The following CD36 variants were observed in gnomAD, a reference collection of about 807,000 sequenced individuals.
The protein encoded by CD36 is platelet glycoprotein 4.
A neutral mutation model predicts 55.2 loss-of-function variants in CD36; 119 were observed. The ratio of observed to expected loss-of-function variants is 2.15; its 90% CI spans 1.86 to 2.51. The LOEUF is 2.51. CD36 is among the 30% of genes most tolerant of loss of function. The pLI, the probability that CD36 is intolerant of heterozygous loss-of-function variation, is 0.00. For missense variants in CD36, 819 were observed against 555.5 expected, an observed-to-expected ratio of 1.47 and a Z score of -4.77; for synonymous variants, 186 against 193.6, an observed-to-expected ratio of 0.96 and a Z score of 0.33.
chr7:80,656,092 AG>A (rs1295043603), intron 3 of CD36, among the ~76,000 whole-genome samples: 2 of 152,134 alleles, frequency 1.3e-5, no homozygotes, highest in East Asian at 3.9e-4. Context: ...GAAAAGAAAA[AG>A]CTTCCAATAC....
At chr7:80,616,707 A>C (rs1175619142) in intron 1 of CD36, among the ~76,000 whole-genome samples, 4 of 152,170 alleles carry the variant, frequency 2.6e-5, no homozygotes. Context: ...GAGTCAACAG[A>C]CTGAATTAAC....
intron 1 of CD36, among the ~76,000 whole-genome samples, chr7:80,622,692 G>T (rs993745050): frequency 4.6e-5 from 7 of 152,180 alleles, no homozygotes; most frequent in African/African-American, 1.7e-4. Context: ...GTAGGGGAAA[G>T]TTCCTTAAAC....
At chr7:80,654,302 G>A (rs748149981) in intron 3 of CD36, among the ~76,000 whole-genome samples, 13 of 152,116 alleles carry the variant, frequency 8.5e-5, no homozygotes, top group African/African-American at 2.2e-4. Flanking sequence ...ATATTAGGTC[G>A]GTACAAAAGT....
At position 80,671,677 on chromosome 7, in the gene CD36, G is replaced by GA. The variant is rs549629562; in HGVS notation, c.1007-239dup. Among the ~76,000 whole-genome samples the GA allele has an allele frequency of 5.4e-3, 813 of 151,172 alleles. 2 individuals carry two copies. Among genetic ancestry groups the GA allele is most frequent in the South Asian group, 0.014 (70 of 4,830 alleles). On this transcript the variant is annotated intron_variant, in intron 10 of 14. Transcript: ENST00000447544. ...ACTAACGTGGGTGTGGAAGAAGAAA[G>GA]AAAAAACTAGTGTTAAATAAATTCT...
Position 80,678,529 on chromosome 7 carries a change from A to G in CD36, c.*2146A>G, listed in dbSNP as rs1295286412. 1 of 152,170 alleles carries G rather than the reference A, an allele frequency of 6.6e-6. No individual in the cohort carries two copies. The highest frequency in any genetic ancestry group is 1.5e-5 in the Non-Finnish European group (1 of 68,020). 9.4% of individuals were successfully genotyped at this position (152,170 alleles called of 1,614,324 possible). A position where few individuals can be genotyped will look rare whatever the true frequency, so the allele number is the denominator to read the frequency against. ...TATCATTTCAAGAAAAAAAATAGCTATCACGCAATGGTTATCTCTGAAAAT... is the reference window on the plus strand; with the variant it reads ...TATCATTTCAAGAAAAAAAATAGCTGTCACGCAATGGTTATCTCTGAAAAT... On this transcript the variant is annotated 3_prime_UTR_variant, in exon 15 of 15. Coordinates refer to ENST00000447544, the MANE Select transcript of CD36 (RefSeq NM_001001548.3).
chr7:80,616,968 C>T (rs1584281476), intron 1 of CD36, among the ~76,000 whole-genome samples: 1 of 152,294 alleles, frequency 6.6e-6, no homozygotes, highest in East Asian at 1.9e-4. Context: ...TTGTTATATG[C>T]TTGCTATACA....
intron 1 of CD36, among the ~76,000 whole-genome samples, chr7:80,608,156 A>T (rs2115730241): frequency 6.6e-6 from 1 of 152,356 alleles, no homozygotes; most frequent in East Asian, 1.9e-4. Flanking sequence ...GCTTGAATTT[A>T]TCCCAGCATT....
At chr7:80,647,190 T>G in intron 3 of CD36, 1 of 288,150 alleles carries the variant, frequency 3.5e-6, no homozygotes, top group South Asian at 3.6e-5. Flanking sequence ...AGGAAATAAG[T>G]GAGTATATTT....
chr7:80,658,265 C>T (rs1363503724), intron 4 of CD36, among the ~76,000 whole-genome samples: 1 of 141,062 alleles, frequency 7.1e-6, no homozygotes, highest in Non-Finnish European at 1.6e-5. Context: ...GTTAGGTGTA[C>T]CATATATATA....
intron 1 of CD36, among the ~76,000 whole-genome samples, chr7:80,641,689 A>G (rs924566086): frequency 1.3e-5 from 2 of 152,086 alleles, no homozygotes; most frequent in African/African-American, 4.8e-5. Context: ...ATCCCAGCAG[A>G]TGTTACTTCA....
At chr7:80,623,692 A>G (rs973620383) in intron 1 of CD36, among the ~76,000 whole-genome samples, 10 of 152,200 alleles carry the variant, frequency 6.6e-5, no homozygotes, top group Admixed American at 6.5e-4. Flanking sequence ...CACAAACTGG[A>G]ATATTCACTG....
At chr7:80,609,930 G>T (rs1021065748) in intron 1 of CD36, among the ~76,000 whole-genome samples, 1 of 152,158 alleles carries the variant, frequency 6.6e-6, no homozygotes. Context: ...GCAGGTGCTT[G>T]CTATGTAGGC....
rs1202965360 is a variant in CD36, at chr7:80,668,163, G to A, written c.748+1674G>A. ...ACTACCAATGCTAGTAGTTGTATAA[G>A]CGGAATACTTAGTCCTTAGATGCAG... On this transcript the variant is annotated intron_variant, in intron 8 of 14. Transcript: ENST00000447544. 2.0e-5 allele frequency among the ~76,000 whole-genome samples: 3 copies of A among 152,110 alleles called. No homozygotes were observed. In the East Asian group the frequency reaches 5.8e-4, roughly 29 times the overall value.
chr7:80,671,511 A>G (rs1029061340), intron 10 of CD36, among the ~76,000 whole-genome samples: 2 of 152,076 alleles, frequency 1.3e-5, no homozygotes, highest in Non-Finnish European at 1.5e-5. Flanking sequence ...AATTCCGAGA[A>G]CACATTAAAC....
At chr7:80,662,398 G>A in intron 5 of CD36, 1 of 225,026 alleles carries the variant, frequency 4.4e-6, no homozygotes, top group Non-Finnish European at 9.8e-6. Flanking sequence ...CTTCACCCTG[G>A]AGATGCTGTA....
intron 6 of CD36, among the ~76,000 whole-genome samples, 161 bp from the exon 7 acceptor site, chr7:80,664,245 T>C (rs1796805302): frequency 6.6e-6 from 1 of 151,404 alleles, no homozygotes; most frequent in South Asian, 2.1e-4. Context: ...TCTAGGCACC[T>C]TTCACAATTT....
At chr7:80,673,326 T>C in intron 12 of CD36, 29 bp from the exon 13 acceptor site, 8 of 1,018,354 alleles carry the variant, frequency 7.9e-6, no homozygotes, top group Non-Finnish European at 1.2e-5. Context: ...AGTTTATATG[T>C]TCATAATTAT....
At position 80,646,646 on chromosome 7, in the gene CD36, T is replaced by C; in HGVS notation, c.-89-6T>C. Reference sequence around the variant, plus strand: ...CTTCTGTTTTATGATCTCTTTCTAATGATAGAACCAGAGCTTGTAGAAACC... The same window carrying C: ...CTTCTGTTTTATGATCTCTTTCTAACGATAGAACCAGAGCTTGTAGAAACC... On this transcript the variant is annotated splice_region_variant and splice_polypyrimidine_tract_variant and intron_variant, in intron 2 of 14. Coordinates refer to ENST00000447544, the MANE Select transcript of CD36 (RefSeq NM_001001548.3). 7.0e-7 allele frequency: 1 copy of C among 1,436,342 alleles called. No individual in the cohort carries two copies. The highest frequency in any genetic ancestry group is 9.8e-7 in the Non-Finnish European group (1 of 1,019,852). The allele number at this position is 1,436,342 out of a possible 1,614,324, so 89.0% of individuals were successfully genotyped here. A position where few individuals can be genotyped will look rare whatever the true frequency, so the allele number is the denominator to read the frequency against.
In CD36 at chr7:80,646,783, A is replaced by T; in HGVS notation, c.43A>T (p.Ile15Phe). 1.9e-6 allele frequency: 3 copies of T among 1,614,032 alleles called. No homozygotes were observed. Among genetic ancestry groups the T allele is most frequent in the Non-Finnish European group, 2.5e-6 (3 of 1,179,940 alleles). Reference sequence around the variant, plus strand: ...CTGTGGGCTCATCGCTGGGGCTGTCATTGGTGCTGTCCTGGCTGTGTTTGG... The same window carrying T: ...CTGTGGGCTCATCGCTGGGGCTGTCTTTGGTGCTGTCCTGGCTGTGTTTGG... ...RNCGLIAGAV[I>F]GAVLAVFGGI... Residue 15 changes from isoleucine (I) to phenylalanine (F), a missense_variant, in exon 3 of 15, where the codon ATT (isoleucine) becomes TTT (phenylalanine). Ile to Phe is a conservative substitution (Grantham distance 21). Transcript: ENST00000447544.
Sources: gnomAD v4.1 joint callset for allele counts (sites outside exome capture counted in the v4.1 genomes callset) on GRCh38, gnomAD v4.1.1 for gene constraint, MANE v1.5 for transcripts, NCBI Gene and HGNC (gene_info 2026-07-23, HGNC 2026-07-21) for gene names.